Variants in SGCZ observed in about 807,000 individuals in gnomAD.
SGCZ encodes zeta-sarcoglycan.
SGCZ carries 40 observed loss-of-function variants against 41.3 expected under a neutral mutation model. That is an observed-to-expected ratio of 0.97 (90% confidence interval 0.75 to 1.26). The LOEUF (loss-of-function observed/expected upper bound fraction) is 1.26, where lower values mean the gene tolerates loss of function less well. Among genes scored for constraint, SGCZ ranks in the 50% most tolerant of loss-of-function variants. The pLI, the probability that SGCZ is intolerant of heterozygous loss-of-function variation, is 0.00. For synonymous variants in SGCZ, 206 were observed against 137.5 expected (o/e 1.50, Z -3.49); for missense variants, 552 against 369.8 (o/e 1.49, Z -4.04).
intron 4 of SGCZ, among the ~76,000 whole-genome samples, chr8:14,208,066 T>G (rs546413183): frequency 6.6e-6 from 1 of 152,306 alleles, no homozygotes; most frequent in East Asian, 1.9e-4. Context: ...TCAACTTTCA[T>G]TTACTACAAA....
At chr8:14,427,926 C>T (rs1335332881) in intron 2 of SGCZ, among the ~76,000 whole-genome samples, 2 of 152,152 alleles carry the variant, frequency 1.3e-5, no homozygotes, top group African/African-American at 4.8e-5. Flanking sequence ...ATAGCACTTA[C>T]ATTCTATTAG....
At chr8:14,156,606 T>A (rs1217669766) in intron 5 of SGCZ, among the ~76,000 whole-genome samples, 1 of 152,260 alleles carries the variant, frequency 6.6e-6, no homozygotes, top group East Asian at 1.9e-4. Flanking sequence ...CACAACCATG[T>A]ATAGCTGTAC....
At chr8:14,557,319 T>C (rs899597483) in intron 1 of SGCZ, among the ~76,000 whole-genome samples, 4 of 152,040 alleles carry the variant, frequency 2.6e-5, no homozygotes, top group East Asian at 3.9e-4. Flanking sequence ...TAGTAGATTT[T>C]GGATAGTAGT....
chr8:14,750,032 G>C (rs1160971223), intron 1 of SGCZ, among the ~76,000 whole-genome samples: 1 of 152,094 alleles, frequency 6.6e-6, no homozygotes, highest in Non-Finnish European at 1.5e-5. Flanking sequence ...TGACAAATAG[G>C]TAGAAATACC....
intron 2 of SGCZ, among the ~76,000 whole-genome samples, chr8:14,542,602 G>C (rs557381608): frequency 6.6e-6 from 1 of 152,020 alleles, no homozygotes; most frequent in Non-Finnish European, 1.5e-5. Flanking sequence ...TTCTGAACTA[G>C]GGGCAGTAAG....
At chr8:15,083,146 C>T (rs921210488) in intron 1 of SGCZ, among the ~76,000 whole-genome samples, 9 of 152,056 alleles carry the variant, frequency 5.9e-5, no homozygotes, top group Non-Finnish European at 8.8e-5. Context: ...TGACAGATGC[C>T]CAAGGAAATT....
intron 4 of SGCZ, among the ~76,000 whole-genome samples, chr8:14,236,580 A>G (rs1167721385): frequency 1.3e-5 from 2 of 151,704 alleles, no homozygotes; most frequent in Non-Finnish European, 2.9e-5. Context: ...AAGATGATTA[A>G]TTTCTCATTA....
chr8:14,401,936 C>T (rs1306016695), intron 2 of SGCZ, among the ~76,000 whole-genome samples: 1 of 151,324 alleles, frequency 6.6e-6, no homozygotes, highest in African/African-American at 2.5e-5. Flanking sequence ...TCTCCACAAC[C>T]TCTCCAGCAC....
chr8:14,580,414 TA>T (rs1279566096), intron 1 of SGCZ, among the ~76,000 whole-genome samples: 1 of 152,192 alleles, frequency 6.6e-6, no homozygotes, highest in Non-Finnish European at 1.5e-5. Flanking sequence ...ACAAACCTTT[TA>T]AAACACAGTT....
intron 5 of SGCZ, among the ~76,000 whole-genome samples, chr8:14,114,007 T>G (rs939332717): frequency 2.0e-5 from 3 of 151,998 alleles, no homozygotes; most frequent in Non-Finnish European, 2.9e-5. Context: ...TTGCTTCTCC[T>G]TCTGCCCAGT....
chr8:14,497,217 T>C (rs1585595121), intron 2 of SGCZ, among the ~76,000 whole-genome samples: 1 of 152,342 alleles, frequency 6.6e-6, no homozygotes, highest in East Asian at 1.9e-4. Context: ...CTCACGGTTC[T>C]GCAAGCTGTA....
At chr8:15,230,821 G>A (rs142857711) in intron 1 of SGCZ, among the ~76,000 whole-genome samples, 1 of 152,110 alleles carries the variant, frequency 6.6e-6, no homozygotes, top group African/African-American at 2.4e-5. Context: ...CGAAGACATT[G>A]GACAAATTCT....
intron 1 of SGCZ, among the ~76,000 whole-genome samples, chr8:14,735,257 G>T (rs1195266330): frequency 6.6e-6 from 1 of 152,082 alleles, no homozygotes; most frequent in African/African-American, 2.4e-5. Context: ...ATTGTTCTGG[G>T]GTGTGTCTGT....
At chr8:15,224,913 A>C (rs1231281004) in intron 1 of SGCZ, among the ~76,000 whole-genome samples, 1 of 152,214 alleles carries the variant, frequency 6.6e-6, no homozygotes, top group Non-Finnish European at 1.5e-5. Context: ...ATAATTTTAA[A>C]CTTATATGTA....
At chr8:14,091,080 T>C (rs1801675708) in intron 7 of SGCZ, among the ~76,000 whole-genome samples, 2 of 152,022 alleles carry the variant, frequency 1.3e-5, no homozygotes, top group African/African-American at 2.4e-5. Context: ...AGTGAGAACA[T>C]GCAGTGTTTG....
intron 2 of SGCZ, among the ~76,000 whole-genome samples, chr8:14,396,149 C>T (rs141163887): frequency 5.3e-5 from 8 of 152,234 alleles, no homozygotes; most frequent in African/African-American, 1.9e-4. Context: ...TATTCTAATA[C>T]TCTTTAGATA....
intron 1 of SGCZ, among the ~76,000 whole-genome samples, chr8:15,068,932 A>T (rs564990343): frequency 1.3e-5 from 2 of 152,296 alleles, no homozygotes; most frequent in African/African-American, 4.8e-5. Context: ...TAATGTTAGC[A>T]CTTCCATTTT....
chr8:14,553,196 A>G (rs1331313210), intron 2 of SGCZ, among the ~76,000 whole-genome samples: 1 of 151,972 alleles, frequency 6.6e-6, no homozygotes, highest in Non-Finnish European at 1.5e-5. Flanking sequence ...GAACAGAAAT[A>G]TGATGGCTAG....
chr8:14,613,075 GC>G (rs1260428598), intron 1 of SGCZ, among the ~76,000 whole-genome samples: 1 of 152,150 alleles, frequency 6.6e-6, no homozygotes, highest in Non-Finnish European at 1.5e-5. Flanking sequence ...GAGGGAGGCT[GC>G]ACCCTGTGCC....
Sources: gnomAD v4.1 joint callset for allele counts (sites outside exome capture counted in the v4.1 genomes callset) on GRCh38, gnomAD v4.1.1 for gene constraint, MANE v1.5 for transcripts, NCBI Gene and HGNC (gene_info 2026-07-23, HGNC 2026-07-21) for gene names.